The following GRK5 variants were observed in gnomAD, a reference collection of about 807,000 sequenced individuals.
The protein encoded by GRK5 is g protein-coupled receptor kinase GRK5.
GRK5 carries 40 observed loss-of-function variants against 78.4 expected under a neutral mutation model. That is an observed-to-expected ratio of 0.51 (90% CI 0.40 to 0.66). The LOEUF (loss-of-function observed/expected upper bound fraction) is 0.66, where lower values mean the gene tolerates loss of function less well. Ranked by LOEUF, GRK5 falls within the 30% of genes least tolerant of loss-of-function variation. GRK5 has a pLI of 0.00. For missense variants in GRK5, 598 were observed against 759.9 expected (o/e 0.79, Z 2.50); for synonymous variants, 289 against 296.8 (o/e 0.97, Z 0.27).
intron 1 of GRK5, among the ~76,000 whole-genome samples, chr10:119,254,777 G>A (rs1270501441): frequency 6.6e-6 from 1 of 152,054 alleles, no homozygotes; most frequent in Non-Finnish European, 1.5e-5. Flanking sequence ...AAAACAGGCC[G>A]GGCACGGTGG....
At chr10:119,417,591 C>T (rs964656724) in intron 4 of GRK5, among the ~76,000 whole-genome samples, 7 of 152,160 alleles carry the variant, frequency 4.6e-5, no homozygotes, top group Admixed American at 2.0e-4. Flanking sequence ...CAAGGCCTCC[C>T]GTGCATTGAA....
At chr10:119,224,558 C>T (rs908852895) in intron 1 of GRK5, among the ~76,000 whole-genome samples, 7 of 151,974 alleles carry the variant, frequency 4.6e-5, no homozygotes, top group Non-Finnish European at 7.4e-5. Context: ...TACAGGCGCC[C>T]GCCACCATGC....
At chr10:119,304,978 C>T (rs1850250008) in intron 1 of GRK5, among the ~76,000 whole-genome samples, 1 of 151,972 alleles carries the variant, frequency 6.6e-6, no homozygotes, top group Non-Finnish European at 1.5e-5. Flanking sequence ...CTCTCCCTTC[C>T]CTCTCTCCTC....
At chr10:119,446,941 A>G (rs1853162062) in intron 12 of GRK5, among the ~76,000 whole-genome samples, 2 of 152,228 alleles carry the variant, frequency 1.3e-5, no homozygotes, top group South Asian at 4.1e-4. Context: ...GCATTGGGAA[A>G]AGACAAGGCT....
In GRK5 at chr10:119,455,528, G is replaced by A; in HGVS notation, c.*461G>A. The A allele has an allele frequency of 3.5e-6, 1 of 287,846 alleles. No individual in the cohort carries two copies. Among genetic ancestry groups the A allele is most frequent in the Non-Finnish European group, 6.6e-6 (1 of 150,432 alleles). The allele number at this position is 287,846 out of a possible 1,614,324, so 17.8% of individuals were successfully genotyped here. A position where few individuals can be genotyped will look rare whatever the true frequency, so the allele number is the denominator to read the frequency against. ...ATGTGTTCCAAGGCATTTTAGCGGG[G>A]AGGGGGTTATCAAAAAAAAAAAAAT... On this transcript the variant is annotated 3_prime_UTR_variant, in exon 16 of 16. Transcript: ENST00000392870.
chr10:119,440,882 C>G (rs1193922593), intron 10 of GRK5, among the ~76,000 whole-genome samples: 1 of 152,152 alleles, frequency 6.6e-6, no homozygotes, highest in Non-Finnish European at 1.5e-5. Context: ...CCCACCTGCA[C>G]AGAGAAGGGC....
At chr10:119,407,325 ACT>A (rs1456351086) in intron 4 of GRK5, among the ~76,000 whole-genome samples, 4 of 152,082 alleles carry the variant, frequency 2.6e-5, no homozygotes, top group South Asian at 2.1e-4. Context: ...GCTTTCTATA[ACT>A]CTGTGCTAGA....
At chr10:119,429,303 A>G (rs1852769763) in intron 6 of GRK5, among the ~76,000 whole-genome samples, 1 of 152,014 alleles carries the variant, frequency 6.6e-6, no homozygotes, top group African/African-American at 2.4e-5. Flanking sequence ...CATTCGTTCA[A>G]GAGCTGCTGG....
chr10:119,397,169 T>A (rs1852069110), intron 4 of GRK5, among the ~76,000 whole-genome samples: 1 of 152,146 alleles, frequency 6.6e-6, no homozygotes, highest in South Asian at 2.1e-4. Flanking sequence ...TGTTGGGGGT[T>A]GACTGGGAGG....
At chr10:119,429,643 G>A (rs1207056351) in intron 6 of GRK5, among the ~76,000 whole-genome samples, 3 of 151,712 alleles carry the variant, frequency 2.0e-5, no homozygotes, top group Admixed American at 6.6e-5. Context: ...ATTAAAACGA[G>A]GAGTTGGAAG....
At chr10:119,266,849 A>T (rs1429774465) in intron 1 of GRK5, among the ~76,000 whole-genome samples, 1 of 148,272 alleles carries the variant, frequency 6.7e-6, no homozygotes, top group Admixed American at 6.8e-5. Flanking sequence ...ATCACAGCCC[A>T]CTGCAGCCTT....
At chr10:119,403,048 T>TC (rs1852175624) in intron 4 of GRK5, among the ~76,000 whole-genome samples, 2 of 152,240 alleles carry the variant, frequency 1.3e-5, no homozygotes, top group Non-Finnish European at 2.9e-5. Context: ...CTGTTAGCAG[T>TC]CACTCCCTGT....
intron 6 of GRK5, among the ~76,000 whole-genome samples, chr10:119,427,435 T>TGCCATCATCAGCATCACC (rs1419545539): frequency 3.2e-5 from 4 of 123,194 alleles, no homozygotes; most frequent in Non-Finnish European, 6.7e-5. Flanking sequence ...GCAGCATCAC[T>TGCCATCATCAGCATCACC]GCCATCATCA....
rs537016190 is a variant in GRK5, at chr10:119,320,916, C to T, written c.53-5600C>T. Among the ~76,000 whole-genome samples, 5 of 152,332 alleles carry T rather than the reference C, an allele frequency of 3.3e-5. No individual in the cohort carries two copies. The East Asian group carries it at 9.6e-4, about 29-fold the overall frequency. On this transcript the variant is annotated intron_variant, in intron 1 of 15. Transcript: ENST00000392870. ...GAGGTGGGCCTAGGGCAGCGGGGGC[C>T]GTAGGGCCAGGTCACAGGAGGAATT...
intron 1 of GRK5, among the ~76,000 whole-genome samples, chr10:119,286,854 T>C (rs1849855846): frequency 6.6e-6 from 1 of 152,194 alleles, no homozygotes. Flanking sequence ...AGGCTCAGTG[T>C]GTATAACAAG....
chr10:119,429,152 T>C (rs933048), intron 6 of GRK5, among the ~76,000 whole-genome samples: 96,288 of 152,058 alleles, frequency 0.63, 30,903 homozygotes, highest in Admixed American at 0.74. Context: ...TTGGGCCCTG[T>C]GTCCTGAGGA....
Position 119,420,474 on chromosome 10 carries a change from A to G in GRK5, c.340-2692A>G, listed in dbSNP as rs528362336. ...AAGAACTTTTCTGTTGGGATATTATACCTTATAATATATCATTTCTGTCTT... is the reference window on the plus strand; with the variant it reads ...AAGAACTTTTCTGTTGGGATATTATGCCTTATAATATATCATTTCTGTCTT... On this transcript the variant is annotated intron_variant, in intron 4 of 15. Transcript: ENST00000392870. Among the ~76,000 whole-genome samples, 17 of 151,714 alleles carry G rather than the reference A, an allele frequency of 1.1e-4. No homozygotes were observed. The South Asian group carries it at 2.9e-3, about 26-fold the overall frequency.
intron 4 of GRK5, among the ~76,000 whole-genome samples, chr10:119,397,147 G>C (rs531889415): frequency 2.9e-3 from 446 of 152,338 alleles, no homozygotes; most frequent in African/African-American, 0.01. Flanking sequence ...AGAGGTCAGC[G>C]TGGAGGGGAA....
intron 1 of GRK5, among the ~76,000 whole-genome samples, chr10:119,317,540 C>A (rs954228957): frequency 6.6e-6 from 1 of 152,144 alleles, no homozygotes; most frequent in African/African-American, 2.4e-5. Flanking sequence ...CCTGCAGTCT[C>A]CCTTAGGCTT....
Sources: allele counts gnomAD v4.1 joint callset (sites outside exome capture counted in the v4.1 genomes callset), GRCh38; gene constraint gnomAD v4.1.1; transcripts MANE v1.5; gene names NCBI Gene and HGNC (gene_info 2026-07-23, HGNC 2026-07-21).